Variants in FBN2 observed in about 807,000 individuals in gnomAD.
FBN2 encodes the protein fibrillin-2.
In FBN2, 105 loss-of-function variants were observed where a neutral mutation model predicts 355.6. The observed-to-expected ratio is 0.30, with a 90% CI of 0.25 to 0.35. The LOEUF is 0.35. FBN2 is among the 10% of genes least tolerant of loss of function. FBN2 has a pLI of 1.00. For missense variants in FBN2, 3,280 were observed against 3,758.7 expected (o/e 0.87, Z 3.33); for synonymous variants, 1,350 against 1,301.2 (o/e 1.04, Z -0.81).
At chr5:128,443,765 A>G (rs547368569) in intron 7 of FBN2, among the ~76,000 whole-genome samples, 2 of 152,376 alleles carry the variant, frequency 1.3e-5, no homozygotes, top group Admixed American at 6.5e-5. Context: ...CAGGAAGAAC[A>G]TCATCTTAAA....
chr5:128,521,860 C>G (rs1756442283), intron 4 of FBN2, among the ~76,000 whole-genome samples: 1 of 152,174 alleles, frequency 6.6e-6, no homozygotes, highest in Admixed American at 6.5e-5. Context: ...CTAGAAAGAG[C>G]TGGCCCATTA....
chr5:128,466,356 G>T (rs971077658), intron 5 of FBN2, among the ~76,000 whole-genome samples: 1 of 152,146 alleles, frequency 6.6e-6, no homozygotes, highest in Admixed American at 6.5e-5. Flanking sequence ...CAAGGGGAAA[G>T]CTACACAGAT....
intron 7 of FBN2, among the ~76,000 whole-genome samples, chr5:128,435,593 T>C (rs561822369): frequency 2.6e-5 from 4 of 152,216 alleles, no homozygotes; most frequent in Admixed American, 1.3e-4. Context: ...GATGACACAA[T>C]TCATATGGGG....
intron 5 of FBN2, among the ~76,000 whole-genome samples, chr5:128,507,010 A>G (rs1755981176): frequency 6.6e-6 from 1 of 152,104 alleles, no homozygotes; most frequent in Admixed American, 6.6e-5. Context: ...ATTGTATATC[A>G]TAATTGATAT....
intron 48 of FBN2, among the ~76,000 whole-genome samples, chr5:128,297,116 A>C (rs567822448): frequency 3.2e-4 from 49 of 152,232 alleles, no homozygotes; most frequent in African/African-American, 1.2e-3. Flanking sequence ...ATTCAGGAGC[A>C]GGTTGTTCAG....
At chr5:128,416,892 A>G (rs1753216547) in intron 7 of FBN2, among the ~76,000 whole-genome samples, 1 of 152,142 alleles carries the variant, frequency 6.6e-6, no homozygotes. Context: ...GTGAAAAATG[A>G]CATTCATATT....
rs575656542 is a variant in FBN2, at chr5:128,354,599, T to C, written c.2674+2677A>G. Among the ~76,000 whole-genome samples, 9 of 152,090 alleles carry C rather than the reference T, an allele frequency of 5.9e-5. No homozygotes were observed. In the East Asian group the frequency reaches 1.6e-3, roughly 26 times the overall value. On this transcript the variant is annotated intron_variant, in intron 20 of 64. Coordinates refer to ENST00000262464, the MANE Select transcript of FBN2 (RefSeq NM_001999.4). ...CGAAGAGAAATGATGGTGACTTGGA[T>C]TGGGGGTTGGTGTGGTGATCGTGAG...
intron 7 of FBN2, among the ~76,000 whole-genome samples, chr5:128,425,514 A>G (rs1753461446): frequency 2.0e-5 from 3 of 152,216 alleles, no homozygotes; most frequent in Admixed American, 2.0e-4. Flanking sequence ...TTTTCCCATT[A>G]AGCATCAGTA....
intron 9 of FBN2, 109 bp downstream of exon 9, chr5:128,395,013 T>C: frequency 7.9e-7 from 1 of 1,268,640 alleles, no homozygotes. Context: ...TTTGAACTTC[T>C]GGACTCAAGC....
At chr5:128,434,425 T>C (rs1206718616) in intron 7 of FBN2, among the ~76,000 whole-genome samples, 1 of 131,006 alleles carries the variant, frequency 7.6e-6, no homozygotes. Context: ...TATATATATA[T>C]GGGCAGTAAG....
At chr5:128,303,906 G>C (rs1749789750) in intron 45 of FBN2, among the ~76,000 whole-genome samples, 1 of 152,120 alleles carries the variant, frequency 6.6e-6, no homozygotes, top group Non-Finnish European at 1.5e-5. Context: ...CATTCTTAGG[G>C]AGTTCATGCA....
chr5:128,267,661 T>C (rs1267602279), intron 62 of FBN2, among the ~76,000 whole-genome samples: 4 of 136,296 alleles, frequency 2.9e-5, no homozygotes, highest in African/African-American at 1.4e-4. Flanking sequence ...CACTTTTTGA[T>C]AGGGTTTTTG....
intron 7 of FBN2, among the ~76,000 whole-genome samples, chr5:128,437,775 TAGATAGATA>T (rs1355985069): frequency 1.6e-3 from 19 of 11,712 alleles, no homozygotes; most frequent in African/African-American, 6.6e-3. Flanking sequence ...TATGTATGTA[TAGATAGATA>T]GATAGATAGA....
intron 6 of FBN2, among the ~76,000 whole-genome samples, chr5:128,447,801 C>A (rs773540005): frequency 4.6e-5 from 7 of 152,124 alleles, no homozygotes; most frequent in Non-Finnish European, 8.8e-5. Context: ...CCCCGGATAC[C>A]CAGCTTTAAA....
chr5:128,408,802 A>T lies in FBN2; in HGVS notation c.953-3T>A, dbSNP rs1020574940. On this transcript the variant is annotated splice_polypyrimidine_tract_variant and splice_region_variant and intron_variant, in intron 7 of 64. Coordinates refer to ENST00000262464, the MANE Select transcript of FBN2 (RefSeq NM_001999.4). ...AATGATGCTGCACTCATCAATGTCTAATCAAGGGAAGAAGGAGAAGATGAT... is the reference window on the plus strand; with the variant it reads ...AATGATGCTGCACTCATCAATGTCTTATCAAGGGAAGAAGGAGAAGATGAT... 3.7e-6 allele frequency: 6 copies of T among 1,613,932 alleles called. No individual in the cohort carries two copies. The highest frequency in any genetic ancestry group is 5.1e-6 in the Non-Finnish European group (6 of 1,179,812).
chr5:128,273,934 A>G lies in FBN2; in HGVS notation c.7746T>C (p.Cys2582=). The change falls in exon 61 of 65, where the codon TGT becomes TGC. Residue 2582 remains cysteine (C), a synonymous_variant. Transcript: ENST00000262464. Reference sequence around the variant, plus strand: ...TGTTTTGACAGATTCCCTTTGCTCCACAAAGCGAAGGTTGAGACCCACATT... The same window carrying G: ...TGTTTTGACAGATTCCCTTTGCTCCGCAAAGCGAAGGTTGAGACCCACATT... The part of the protein sequence containing the change: ...NNECGSQPSL[C]GAKGICQNTP... 1 of 1,613,848 alleles carries G rather than the reference A, an allele frequency of 6.2e-7. No homozygotes were observed. The highest frequency in any genetic ancestry group is 8.5e-7 in the Non-Finnish European group (1 of 1,179,786).
In FBN2 at chr5:128,435,495, A is replaced by C. The variant is rs1753748744; in HGVS notation, c.952+10986T>G. Among the ~76,000 whole-genome samples the C allele has an allele frequency of 2.6e-5, 4 of 152,306 alleles. No homozygotes were observed. The South Asian group carries it at 8.3e-4, about 32-fold the overall frequency. On this transcript the variant is annotated intron_variant, in intron 7 of 64. Coordinates refer to ENST00000262464, the MANE Select transcript of FBN2 (RefSeq NM_001999.4). ...GTCTTTAACAAGGACCCAAAGTGTC[A>C]AATGCTTTATATGTTATGCATAAAA...
At chr5:128,466,957 A>G (rs1279664983) in intron 5 of FBN2, among the ~76,000 whole-genome samples, 4 of 152,198 alleles carry the variant, frequency 2.6e-5, no homozygotes, top group Non-Finnish European at 5.9e-5. Context: ...TCAAGTTCTG[A>G]ATACGTGGGG....
rs148359035 is a variant in FBN2 at position 128,529,073 on chromosome 5, A to G, written c.437-1106T>C. Among the ~76,000 whole-genome samples the G allele has an allele frequency of 6.1e-3, 924 of 152,346 alleles. 9 individuals carry two copies. Among genetic ancestry groups the G allele is most frequent in the African/African-American group, 0.02 (841 of 41,588 alleles). On this transcript the variant is annotated intron_variant, in intron 3 of 64. Transcript: ENST00000262464. ...TGGTTCAAGTAGCCTGTGGTCAGCA[A>G]TAAATTCAGTTTCCTTTTAGACATG... is the stretch of plus-strand genomic sequence containing the variant.
Sources: gnomAD v4.1 joint callset for allele counts (sites outside exome capture counted in the v4.1 genomes callset) on GRCh38, gnomAD v4.1.1 for gene constraint, MANE v1.5 for transcripts, NCBI Gene and HGNC (gene_info 2026-07-23, HGNC 2026-07-21) for gene names.